Variants in DCDC1 observed in about 807,000 individuals in gnomAD.
DCDC1 encodes the protein doublecortin domain containing 1.
DCDC1 carries 200 observed loss-of-function variants against 178.3 expected under a neutral mutation model. The ratio of observed to expected loss-of-function variants is 1.12; its 90% CI spans 1.00 to 1.26. The LOEUF is 1.26. Ranked by LOEUF, DCDC1 falls within the 50% of genes most tolerant of loss-of-function variation. The pLI is 0.00. For synonymous variants in DCDC1, 690 were observed against 604.8 expected (o/e 1.14, Z -2.07); for missense variants, 1,983 against 1,749.2 (o/e 1.13, Z -2.38).
At chr11:31,272,868 G>T (rs1945674773) in intron 7 of DCDC1, among the ~76,000 whole-genome samples, 1 of 152,200 alleles carries the variant, frequency 6.6e-6, no homozygotes, top group Non-Finnish European at 1.5e-5. Context: ...GAGGATGGTG[G>T]TCCTCTTCTT....
At chr11:31,355,600 C>T (rs751343750) in intron 1 of DCDC1, among the ~76,000 whole-genome samples, 6 of 151,970 alleles carry the variant, frequency 3.9e-5, no homozygotes, top group Non-Finnish European at 7.4e-5. Flanking sequence ...CAGAGTCTTG[C>T]TCTGCTGCCT....
intron 1 of DCDC1, among the ~76,000 whole-genome samples, chr11:31,363,512 T>C (rs7123466): frequency 0.29 from 43,718 of 152,092 alleles, 6,403 homozygotes; most frequent in African/African-American, 0.33. Flanking sequence ...TCTATGTATG[T>C]TGACCCATTC....
At chr11:30,946,636 C>T (rs1269906024) in intron 21 of DCDC1, among the ~76,000 whole-genome samples, 1 of 152,094 alleles carries the variant, frequency 6.6e-6, no homozygotes, top group Non-Finnish European at 1.5e-5. Flanking sequence ...TGAGAAAGCA[C>T]AGGGGATCAT....
At chr11:30,937,872 T>C (rs1347032316) in intron 21 of DCDC1, among the ~76,000 whole-genome samples, 1 of 152,138 alleles carries the variant, frequency 6.6e-6, no homozygotes, top group Non-Finnish European at 1.5e-5. Flanking sequence ...TACCCTTCCA[T>C]AACCTGAATC....
chr11:31,132,431 T>A (rs905167917), intron 10 of DCDC1, among the ~76,000 whole-genome samples: 6 of 152,228 alleles, frequency 3.9e-5, no homozygotes, highest in African/African-American at 1.4e-4. Context: ...TTACATAATA[T>A]GATTTTTTTT....
chr11:30,930,470 T>C (rs1490032790), intron 22 of DCDC1, among the ~76,000 whole-genome samples: 3 of 152,122 alleles, frequency 2.0e-5, no homozygotes, highest in Non-Finnish European at 4.4e-5. Flanking sequence ...TTTTAATTAT[T>C]TGGGAGTAAT....
chr11:31,178,455 A>C (rs571682353), intron 9 of DCDC1, among the ~76,000 whole-genome samples: 1 of 152,222 alleles, frequency 6.6e-6, no homozygotes, highest in Non-Finnish European at 1.5e-5. Context: ...GCTTCATGAC[A>C]TTGGGCTCTG....
At chr11:31,019,401 A>T (rs947119977) in intron 20 of DCDC1, among the ~76,000 whole-genome samples, 2 of 152,032 alleles carry the variant, frequency 1.3e-5, no homozygotes, top group Non-Finnish European at 2.9e-5. Flanking sequence ...AGAAGATAAA[A>T]TATATTATAT....
At chr11:31,082,550 C>A (rs879081525) in intron 17 of DCDC1, among the ~76,000 whole-genome samples, 2 of 151,230 alleles carry the variant, frequency 1.3e-5, no homozygotes, top group Admixed American at 1.3e-4. Context: ...ATCACCCATA[C>A]AGCTATATCG....
rs897455983 is a variant in DCDC1 at position 30,950,498 on chromosome 11, C to T, written c.2715+1947G>A. Among the ~76,000 whole-genome samples the T allele has an allele frequency of 2.6e-5, 4 of 152,180 alleles. No individual in the cohort carries two copies. In the South Asian group the frequency reaches 8.3e-4, roughly 32 times the overall value. On this transcript the variant is annotated intron_variant, in intron 21 of 38. Coordinates refer to ENST00000684477, the MANE Select transcript of DCDC1 (RefSeq NM_001387274.1). ...GAATGGACAAAGAAAATGTTGTATA[C>T]ACAGTAAAGTATTTCAGCCATAAAA...
In DCDC1 at chr11:30,864,108, C is replaced by G. The variant is rs1316800636; in HGVS notation, c.*1265G>C. The G allele has an allele frequency of 1.3e-5, 2 of 151,726 alleles. No individual in the cohort carries two copies. Among genetic ancestry groups the G allele is most frequent in the Non-Finnish European group, 2.9e-5 (2 of 68,012 alleles). 9.4% of individuals were successfully genotyped at this position (151,726 alleles called of 1,614,324 possible). On this transcript the variant is annotated 3_prime_UTR_variant, in exon 39 of 39. Transcript: ENST00000684477. The stretch of plus-strand genomic sequence containing the variant: ...CGCCACTGAACTCCAGACTGGGCAA[C>G]AGAGTGAGACTCCATCTCAAAAAAA...
intron 12 of DCDC1, among the ~76,000 whole-genome samples, chr11:31,109,277 C>A (rs1307687145): frequency 1.3e-5 from 2 of 151,956 alleles, no homozygotes; most frequent in African/African-American, 4.8e-5. Flanking sequence ...GCCACCATGC[C>A]AGGCTAATTT....
chr11:31,284,829 G>A (rs567437973), intron 7 of DCDC1, among the ~76,000 whole-genome samples: 1 of 151,900 alleles, frequency 6.6e-6, no homozygotes, highest in East Asian at 1.9e-4. Flanking sequence ...AGTAGAGACA[G>A]GGTTTCACCA....
intron 10 of DCDC1, 111 bp downstream of exon 10, chr11:31,137,581 C>T (rs1175433840): frequency 5.2e-6 from 3 of 577,650 alleles, no homozygotes; most frequent in Non-Finnish European, 6.2e-6. Context: ...AACTCCTGAC[C>T]TTGTGATCTT....
At chr11:31,331,860 T>C (rs1365355139) in intron 2 of DCDC1, among the ~76,000 whole-genome samples, 1 of 152,074 alleles carries the variant, frequency 6.6e-6, no homozygotes, top group Non-Finnish European at 1.5e-5. Context: ...TGTGTCTCTG[T>C]CAGGTTTTGG....
intron 9 of DCDC1, among the ~76,000 whole-genome samples, chr11:31,141,946 C>T (rs1025774563): frequency 6.6e-6 from 1 of 152,166 alleles, no homozygotes; most frequent in African/African-American, 2.4e-5. Context: ...CGTATATAAA[C>T]AAGTCAATAA....
At chr11:31,125,107 G>A (rs982193438) in intron 11 of DCDC1, among the ~76,000 whole-genome samples, 6 of 152,028 alleles carry the variant, frequency 3.9e-5, no homozygotes, top group African/African-American at 1.4e-4. Context: ...ATTAAAAAGT[G>A]GGCAAAGGAT....
chr11:31,249,335 G>C (rs1055008027), intron 8 of DCDC1, among the ~76,000 whole-genome samples: 2 of 152,124 alleles, frequency 1.3e-5, no homozygotes, highest in Admixed American at 1.3e-4. Context: ...AAAGATGACA[G>C]TGATCCAATT....
At chr11:31,136,234 A>AT (rs1963118985) in intron 10 of DCDC1, among the ~76,000 whole-genome samples, 1 of 152,182 alleles carries the variant, frequency 6.6e-6, no homozygotes, top group African/African-American at 2.4e-5. Flanking sequence ...AGAGAATGAT[A>AT]TTTTTTCAAA....
Sources: allele counts gnomAD v4.1 joint callset (sites outside exome capture counted in the v4.1 genomes callset), GRCh38; gene constraint gnomAD v4.1.1; transcripts MANE v1.5; gene names NCBI Gene and HGNC (gene_info 2026-07-23, HGNC 2026-07-21).